The following ZNF251 variants were observed in gnomAD, a reference collection of about 807,000 sequenced individuals.
ZNF251 encodes the protein zinc finger protein 251.
ZNF251 carries 14 observed loss-of-function variants against 13.5 expected under a neutral mutation model. The observed-to-expected ratio is 1.04, with a 90% CI of 0.69 to 1.63. The LOEUF (loss-of-function observed/expected upper bound fraction) is 1.63. ZNF251 is among the 40% of genes most tolerant of loss of function. The pLI is 0.00. For synonymous variants in ZNF251, 287 were observed against 295.2 expected (o/e 0.97, Z 0.28); for missense variants, 764 against 834.9 (o/e 0.92, Z 1.05).
intron 1 of ZNF251, chr8:144,755,126 G>A: frequency 8.2e-7 from 1 of 1,215,248 alleles, no homozygotes; most frequent in Non-Finnish European, 1.0e-6. Flanking sequence ...ACGTGAGGGT[G>A]CAGCCTCACC....
intron 4 of ZNF251, among the ~76,000 whole-genome samples, chr8:144,748,879 AAC>A (rs1232632351): frequency 6.6e-6 from 1 of 152,170 alleles, no homozygotes; most frequent in Non-Finnish European, 1.5e-5. Flanking sequence ...CCTTATAGAA[AAC>A]ACAGTTGGGG....
At chr8:144,736,569 G>C (rs2956171) in intron 4 of ZNF251, among the ~76,000 whole-genome samples, 4 of 151,358 alleles carry the variant, frequency 2.6e-5, no homozygotes, top group African/African-American at 7.3e-5. Flanking sequence ...TTGGCTCACC[G>C]CAACTTCCAC....
Position 144,745,922 on chromosome 8 carries a change from T to A in ZNF251, c.277+7761A>T, listed in dbSNP as rs138502728. Reference sequence around the variant, plus strand: ...CTGACATCATGATAATACTGAGTTTTCCTCATGAACAGACTATCTCTTCAT... The same window carrying A: ...CTGACATCATGATAATACTGAGTTTACCTCATGAACAGACTATCTCTTCAT... On this transcript the variant is annotated intron_variant, in intron 4 of 4. Transcript: ENST00000292562. Among the ~76,000 whole-genome samples, 250 of 152,294 alleles carry A rather than the reference T, an allele frequency of 1.6e-3. 3 individuals are homozygous for A. Among genetic ancestry groups the A allele is most frequent in the African/African-American group, 1.5e-3 (64 of 41,566 alleles).
chr8:144,729,459 C>G (rs1430048714), intron 4 of ZNF251, among the ~76,000 whole-genome samples: 1 of 151,062 alleles, frequency 6.6e-6, no homozygotes, highest in Non-Finnish European at 1.5e-5. Flanking sequence ...GCCTCAGCCT[C>G]CCGAGTAGCT....
At chr8:144,723,794 G>C (rs1823439298) in intron 4 of ZNF251, among the ~76,000 whole-genome samples, 1 of 152,188 alleles carries the variant, frequency 6.6e-6, no homozygotes, top group East Asian at 1.9e-4. Flanking sequence ...GTGTAAATGT[G>C]TTATTGGCCC....
chr8:144,722,091 T>C lies in ZNF251; in HGVS notation c.1569A>G (p.Pro523=). ...GETRKCRKHG[P]AFVHGSSLTA... ...TGAGGCTGGAGCCATGAACAAAGGC[T>C]GGACCATGTTTTCTGCACTTACGAG... Residue 523 remains proline, a synonymous_variant, in exon 5 of 5, where the codon CCA becomes CCG. Transcript: ENST00000292562. The surrounding 1 kb of genome is among the most constrained non-coding windows in gnomAD (Gnocchi z 4.8). 6.2e-7 allele frequency: 1 copy of C among 1,613,968 alleles called. No homozygotes were observed.
At chr8:144,754,065 A>C in intron 3 of ZNF251, 127 bp downstream of exon 3, 1 of 1,337,272 alleles carries the variant, frequency 7.5e-7, no homozygotes, top group Non-Finnish European at 1.0e-6. Context: ...TTCCTTCTGT[A>C]GAGATCAGAC....
At chr8:144,748,449 T>C (rs1160092425) in intron 4 of ZNF251, among the ~76,000 whole-genome samples, 1 of 152,212 alleles carries the variant, frequency 6.6e-6, no homozygotes, top group Non-Finnish European at 1.5e-5. Flanking sequence ...AGTAGTAAGA[T>C]ATTTCCGCTT....
intron 4 of ZNF251, among the ~76,000 whole-genome samples, chr8:144,732,612 A>C (rs374273695): frequency 5.9e-5 from 9 of 151,564 alleles, no homozygotes; most frequent in African/African-American, 1.9e-4. Flanking sequence ...GGAGATGGAG[A>C]CCATCCTGGC....
Position 144,721,928 on chromosome 8 carries a change from T to G in ZNF251, c.1732A>C (p.Thr578Pro), listed in dbSNP as rs1422947762. ...CNEYGKAFSP[T>P]SRPTEDQIMH... ...ATCTGATCTTCAGTGGGTCGTGAGG[T>G]GGGACTGAAAGCTTTTCCATATTCA... The change falls in exon 5 of 5, where the codon ACC (threonine) becomes CCC (proline). Residue 578 changes from threonine (T) to proline (P), a missense_variant. Transcript: ENST00000292562. The G allele has an allele frequency of 1.3e-6, 2 of 1,514,858 alleles. No homozygotes were observed. Among genetic ancestry groups the G allele is most frequent in the Admixed American group, 4.4e-5 (2 of 44,948 alleles). 93.8% of individuals were successfully genotyped at this position (1,514,858 alleles called of 1,614,324 possible).
chr8:144,737,589 T>C (rs1823954301), intron 4 of ZNF251, among the ~76,000 whole-genome samples: 2 of 151,334 alleles, frequency 1.3e-5, no homozygotes, highest in South Asian at 2.1e-4. Context: ...AGCACTTTGG[T>C]TGGGAGGCCA....
At chr8:144,729,942 G>T in intron 4 of ZNF251, 1 of 596,072 alleles carries the variant, frequency 1.7e-6, no homozygotes, top group Non-Finnish European at 2.1e-6. Flanking sequence ...AGATAAAGAT[G>T]TTCAATTGTA....
chr8:144,743,549 C>T (rs1162676914), intron 4 of ZNF251, among the ~76,000 whole-genome samples: 1 of 152,186 alleles, frequency 6.6e-6, no homozygotes, highest in African/African-American at 2.4e-5. Context: ...TTTGTGTGGA[C>T]ATAAATTTTC....
intron 4 of ZNF251, among the ~76,000 whole-genome samples, chr8:144,737,075 A>G (rs1243934177): frequency 6.6e-6 from 1 of 151,752 alleles, no homozygotes; most frequent in East Asian, 1.9e-4. Context: ...AAGTGCTGGG[A>G]TTACAGGCGT....
At chr8:144,736,286 C>T (rs1054040280) in intron 4 of ZNF251, among the ~76,000 whole-genome samples, 5 of 152,112 alleles carry the variant, frequency 3.3e-5, no homozygotes, top group Admixed American at 3.3e-4. Context: ...GACTATCCCA[C>T]TCTGAGGGGA....
At chr8:144,755,190 T>A (rs1042832366) in intron 1 of ZNF251, 85 of 1,170,666 alleles carry the variant, frequency 7.3e-5, no homozygotes, top group Admixed American at 4.8e-4. Context: ...GGCCCCAGGC[T>A]CCGGGGAGAG....
At chr8:144,737,138 G>A (rs1411307790) in intron 4 of ZNF251, among the ~76,000 whole-genome samples, 1 of 151,890 alleles carries the variant, frequency 6.6e-6, no homozygotes, top group African/African-American at 2.4e-5. Context: ...TTGCTCTGTT[G>A]CCCAGGCTGG....
chr8:144,731,463 C>G (rs956799274), intron 4 of ZNF251, among the ~76,000 whole-genome samples: 1 of 152,178 alleles, frequency 6.6e-6, no homozygotes, highest in Non-Finnish European at 1.5e-5. Flanking sequence ...AAGATTTGTG[C>G]ATTTCATTTA....
intron 4 of ZNF251, among the ~76,000 whole-genome samples, chr8:144,736,701 A>T (rs1302127039): frequency 6.6e-6 from 1 of 151,872 alleles, no homozygotes; most frequent in East Asian, 1.9e-4. Context: ...CAAGTTGGTC[A>T]GGCTGGTCTT....
Sources: gnomAD v4.1 joint callset for allele counts (sites outside exome capture counted in the v4.1 genomes callset) on GRCh38, gnomAD v4.1.1 for gene constraint, Gnocchi (gnomAD v3.1) non-coding constraint, MANE v1.5 for transcripts, NCBI Gene and HGNC (gene_info 2026-07-23, HGNC 2026-07-21) for gene names.